ROBO1: variants seen among roughly 807,000 people sequenced by gnomAD.
ROBO1 encodes roundabout homolog 1.
ROBO1 carries 149 observed loss-of-function variants against 195.9 expected under a neutral mutation model. The observed-to-expected ratio is 0.76, with a 90% CI of 0.67 to 0.87. The LOEUF (loss-of-function observed/expected upper bound fraction) is 0.87, where lower values mean the gene tolerates loss of function less well. Ranked by LOEUF, ROBO1 falls within the 40% of genes least tolerant of loss-of-function variation. ROBO1 has a pLI of 0.00. For missense variants in ROBO1, 1,933 were observed against 2,068.3 expected, an observed-to-expected ratio of 0.93 and a Z score of 1.27; for synonymous variants, 816 against 733.2, an observed-to-expected ratio of 1.11 and a Z score of -1.82.
At chr3:79,677,372 T>C (rs1373826574) in intron 1 of ROBO1, among the ~76,000 whole-genome samples, 3 of 151,884 alleles carry the variant, frequency 2.0e-5, no homozygotes, top group South Asian at 2.1e-4. Context: ...AGAGAACTCA[T>C]AGTTTCACGT....
In ROBO1 at chr3:78,976,598, C is replaced by T. The variant is rs555493456; in HGVS notation, c.173-37671G>A. Among the ~76,000 whole-genome samples, 9 of 152,300 alleles carry T rather than the reference C, an allele frequency of 5.9e-5. No homozygotes were observed. The South Asian group carries it at 1.2e-3, about 21-fold the overall frequency. ...TCACTAATTGTCAACAAACTCTTGGCCCTTTTCTGTCTCTCTACAGCAGCA... is the reference window on the plus strand; with the variant it reads ...TCACTAATTGTCAACAAACTCTTGGTCCTTTTCTGTCTCTCTACAGCAGCA... On this transcript the variant is annotated intron_variant, in intron 3 of 30. Transcript: ENST00000464233.
At position 78,906,256 on chromosome 3, in the gene ROBO1, A is replaced by T. The variant is rs964305700; in HGVS notation, c.499+32345T>A. 2.0e-5 allele frequency among the ~76,000 whole-genome samples: 3 copies of T among 152,102 alleles called. 1 individual carries two copies. The highest frequency in any genetic ancestry group is 7.2e-5 in the African/African-American group (3 of 41,434). The stretch of plus-strand genomic sequence containing the variant: ...CTCCTCTCTCCTGTCTTCTTTAAAA[A>T]GCATATGTCACAGCTGCATTTCAAC... On this transcript the variant is annotated intron_variant, in intron 4 of 30. Coordinates refer to ENST00000464233, the MANE Select transcript of ROBO1 (RefSeq NM_002941.4).
At chr3:78,918,470 C>A (rs1313806890) in intron 4 of ROBO1, among the ~76,000 whole-genome samples, 1 of 152,010 alleles carries the variant, frequency 6.6e-6, no homozygotes, top group Admixed American at 6.6e-5. Flanking sequence ...ATTCAGAGAA[C>A]TAAAATTAGT....
At chr3:78,662,244 GAAAA>G (rs11359455) in intron 14 of ROBO1, 130 bp from the exon 15 acceptor site, 342 of 423,460 alleles carry the variant, frequency 8.1e-4, no homozygotes, top group South Asian at 1.3e-3. Context: ...CTGTGATTCG[GAAAA>G]AAAAAAAAAA....
At chr3:79,042,464 G>A (rs535661783) in intron 3 of ROBO1, among the ~76,000 whole-genome samples, 2 of 152,150 alleles carry the variant, frequency 1.3e-5, no homozygotes, top group African/African-American at 4.8e-5. Context: ...TCTCCACGGC[G>A]CAAAAACCCT....
At chr3:79,645,767 CACAG>C (rs1293611317) in intron 1 of ROBO1, among the ~76,000 whole-genome samples, 1 of 152,032 alleles carries the variant, frequency 6.6e-6, no homozygotes, top group Non-Finnish European at 1.5e-5. Context: ...CTGGTATAGG[CACAG>C]ACAGACAGAC....
At chr3:79,503,071 T>A (rs1940191783) in intron 2 of ROBO1, among the ~76,000 whole-genome samples, 1 of 152,164 alleles carries the variant, frequency 6.6e-6, no homozygotes, top group Non-Finnish European at 1.5e-5. Context: ...CTGTGAAAGC[T>A]TTGTTCTTTA....
intron 2 of ROBO1, among the ~76,000 whole-genome samples, chr3:79,548,441 A>G (rs1942353118): frequency 6.6e-6 from 1 of 152,234 alleles, no homozygotes; most frequent in South Asian, 2.1e-4. Flanking sequence ...CATGGGTTAC[A>G]TAAAATTAGA....
chr3:79,602,859 G>A (rs1042691085), intron 1 of ROBO1, among the ~76,000 whole-genome samples: 2 of 151,940 alleles, frequency 1.3e-5, no homozygotes, highest in African/African-American at 4.8e-5. Context: ...CAAGCTTTGT[G>A]CTATACTGAT....
At chr3:79,303,537 T>C (rs901392036) in intron 2 of ROBO1, among the ~76,000 whole-genome samples, 45 of 152,136 alleles carry the variant, frequency 3.0e-4, no homozygotes, top group African/African-American at 1.0e-3. Context: ...CAATATATTA[T>C]TATTAATTAT....
At chr3:79,619,050 C>A (rs527703440) in intron 1 of ROBO1, among the ~76,000 whole-genome samples, 1 of 152,036 alleles carries the variant, frequency 6.6e-6, no homozygotes, top group African/African-American at 2.4e-5. Flanking sequence ...CTGATCACTG[C>A]GAGGACACCT....
At chr3:79,357,037 G>A (rs1201263370) in intron 2 of ROBO1, among the ~76,000 whole-genome samples, 2 of 152,152 alleles carry the variant, frequency 1.3e-5, no homozygotes, top group African/African-American at 4.8e-5. Flanking sequence ...TAGTAAGTCA[G>A]CCCAATTTCT....
intron 2 of ROBO1, among the ~76,000 whole-genome samples, chr3:79,172,750 C>T (rs2081189870): frequency 6.6e-6 from 1 of 151,962 alleles, no homozygotes; most frequent in African/African-American, 2.4e-5. Context: ...GAAATGCTCA[C>T]CAGTTCTAGG....
rs181657120 is a variant in ROBO1 at position 78,993,302 on chromosome 3, A to G, written c.173-54375T>C. On this transcript the variant is annotated intron_variant, in intron 3 of 30. Transcript: ENST00000464233. Reference sequence around the variant, plus strand: ...ACGCATACATACATGCATACTTTCAAAACGTTTCTTTAAAAATCCTACTTA... The same window carrying G: ...ACGCATACATACATGCATACTTTCAGAACGTTTCTTTAAAAATCCTACTTA... Among the ~76,000 whole-genome samples, 255 of 152,304 alleles carry G rather than the reference A, an allele frequency of 1.7e-3. 1 individual carries two copies. Among genetic ancestry groups the G allele is most frequent in the Non-Finnish European group, 2.8e-3 (193 of 68,022 alleles).
intron 5 of ROBO1, among the ~76,000 whole-genome samples, chr3:78,729,748 C>T (rs918815001): frequency 3.3e-5 from 5 of 152,168 alleles, no homozygotes; most frequent in Non-Finnish European, 5.9e-5. Flanking sequence ...TTAGCCTTTG[C>T]TAGCTATCTT....
chr3:79,661,827 T>G (rs1016752295), intron 1 of ROBO1, among the ~76,000 whole-genome samples: 1 of 152,124 alleles, frequency 6.6e-6, no homozygotes, highest in African/African-American at 2.4e-5. Flanking sequence ...TTAGATGCTG[T>G]CAGCTGGTTA....
At chr3:78,903,487 A>T (rs1408036931) in intron 4 of ROBO1, among the ~76,000 whole-genome samples, 3 of 151,976 alleles carry the variant, frequency 2.0e-5, no homozygotes, top group Non-Finnish European at 4.4e-5. Context: ...TTTAATAAAA[A>T]AAAAAGTATA....
chr3:79,429,323 T>C (rs2038579296), intron 2 of ROBO1, among the ~76,000 whole-genome samples: 1 of 152,122 alleles, frequency 6.6e-6, no homozygotes, highest in Non-Finnish European at 1.5e-5. Context: ...TGGGTATTCC[T>C]GAGATGTTGC....
chr3:78,696,787 A>T (rs1445832144), intron 8 of ROBO1, among the ~76,000 whole-genome samples: 1 of 149,902 alleles, frequency 6.7e-6, no homozygotes, highest in Non-Finnish European at 1.5e-5. Flanking sequence ...GGAATTCATG[A>T]TGTTAAAAAT....
Sources: allele counts gnomAD v4.1 joint callset (sites outside exome capture counted in the v4.1 genomes callset), GRCh38; gene constraint gnomAD v4.1.1; transcripts MANE v1.5; gene names NCBI Gene and HGNC (gene_info 2026-07-23, HGNC 2026-07-21).